FKTN: variants seen among roughly 807,000 people sequenced by gnomAD.
FKTN encodes the protein ribitol-5-phosphate transferase FKTN.
A neutral mutation model predicts 58.6 loss-of-function variants in FKTN; 47 were observed. The ratio of observed to expected loss-of-function variants is 0.80; its 90% CI spans 0.63 to 1.02. The LOEUF (loss-of-function observed/expected upper bound fraction) is 1.02, where lower values mean the gene tolerates loss of function less well. FKTN is among the 50% of genes least tolerant of loss of function. The pLI, the probability that FKTN is intolerant of heterozygous loss-of-function variation, is 0.00. For synonymous variants in FKTN, 178 were observed against 191.9 expected, an observed-to-expected ratio of 0.93 and a Z score of 0.60; for missense variants, 516 against 537.3, an observed-to-expected ratio of 0.96 and a Z score of 0.39.
Position 105,595,702 on chromosome 9 carries a change from A to G in FKTN, c.106-896A>G, listed in dbSNP as rs75266987. Among the ~76,000 whole-genome samples the G allele has an allele frequency of 9.1e-3, 1,380 of 152,284 alleles. 22 individuals are homozygous for G. Among genetic ancestry groups the G allele is most frequent in the African/African-American group, 0.032 (1,322 of 41,550 alleles). On this transcript the variant is annotated intron_variant, in intron 3 of 10. Coordinates refer to ENST00000357998, the MANE Select transcript of FKTN (RefSeq NM_001079802.2). Reference sequence around the variant, plus strand: ...AGCACTATCCTAGGTGCTACTGGTTATACAAAGATGGATTGGACTTTGTCC... The same window carrying G: ...AGCACTATCCTAGGTGCTACTGGTTGTACAAAGATGGATTGGACTTTGTCC...
chr9:105,606,971 T>A (rs1588129861), intron 6 of FKTN, among the ~76,000 whole-genome samples: 1 of 151,968 alleles, frequency 6.6e-6, no homozygotes, highest in Admixed American at 6.5e-5. Flanking sequence ...ACCACTTTTT[T>A]GCCTGTTTTT....
At chr9:105,600,251 A>G (rs1827637692) in intron 4 of FKTN, among the ~76,000 whole-genome samples, 1 of 152,134 alleles carries the variant, frequency 6.6e-6, no homozygotes, top group Non-Finnish European at 1.5e-5. Flanking sequence ...CTTTATCCTT[A>G]CAATTGATAT....
intron 5 of FKTN, 124 bp from the exon 6 acceptor site, chr9:105,604,083 CAGAGCAGA>C (rs1356454011): frequency 1.1e-6 from 1 of 876,300 alleles, no homozygotes; most frequent in Non-Finnish European, 1.9e-6. Flanking sequence ...AATGTTCTTA[CAGAGCAGA>C]TTAGCACAAA....
intron 7 of FKTN, among the ~76,000 whole-genome samples, chr9:105,609,092 A>G (rs1448605485): frequency 6.6e-6 from 1 of 152,120 alleles, no homozygotes; most frequent in Admixed American, 6.6e-5. Context: ...GTGTTCTTTT[A>G]TTTACCTGTG....
rs369444569 is a variant in FKTN at position 105,567,472 on chromosome 9, G to A, written c.-180-6183G>A. On this transcript the variant is annotated intron_variant, in intron 1 of 10. Coordinates refer to ENST00000357998, the MANE Select transcript of FKTN (RefSeq NM_001079802.2). ...AAGTCTCAGGATACAAAATCAATGT[G>A]CAAAAATCACAAGCATTCTTATACA... Among the ~76,000 whole-genome samples, 8 of 152,244 alleles carry A rather than the reference G, an allele frequency of 5.3e-5. No individual in the cohort carries two copies. The South Asian group carries it at 1.2e-3, about 24-fold the overall frequency.
At chr9:105,576,150 T>C (rs1024489620) in intron 3 of FKTN, among the ~76,000 whole-genome samples, 8 of 151,230 alleles carry the variant, frequency 5.3e-5, no homozygotes, top group Non-Finnish European at 8.9e-5. Context: ...CTTTTCTTTT[T>C]TTTTTTTTTT....
chr9:105,567,266 C>T (rs992972888), intron 1 of FKTN, among the ~76,000 whole-genome samples: 1 of 152,176 alleles, frequency 6.6e-6, no homozygotes, highest in Admixed American at 6.5e-5. Flanking sequence ...CTCACCACTC[C>T]TATTCAGCAT....
Position 105,611,500 on chromosome 9 carries a change from C to A in FKTN, c.780+3549C>A, listed in dbSNP as rs139858746. ...TTAGTTATTTTTCCTGGTCCTCTTT[C>A]TCCTCCCACCCTCCAAAAGAACCCA... On this transcript the variant is annotated intron_variant, in intron 7 of 10. Transcript: ENST00000357998. Among the ~76,000 whole-genome samples, 1,389 of 152,194 alleles carry A rather than the reference C, an allele frequency of 9.1e-3. 22 individuals are homozygous for A. The highest frequency in any genetic ancestry group is 0.032 in the African/African-American group (1,340 of 41,516).
chr9:105,620,214 T>C (rs1229348444), intron 10 of FKTN, 153 bp downstream of exon 10: 3 of 628,096 alleles, frequency 4.8e-6, no homozygotes, highest in Non-Finnish European at 5.5e-6. Flanking sequence ...AGTCCAGTTA[T>C]GCCTGTGAAG....
chr9:105,607,114 CAT>C (rs1397040416), intron 6 of FKTN, among the ~76,000 whole-genome samples: 3 of 151,926 alleles, frequency 2.0e-5, no homozygotes, highest in Non-Finnish European at 4.4e-5. Flanking sequence ...TAAACATAAA[CAT>C]GTGACAATAG....
In FKTN at chr9:105,573,077, A is replaced by G. The variant is rs138070055; in HGVS notation, c.-180-578A>G. The stretch of plus-strand genomic sequence containing the variant: ...CAGAAAAACCCCGTCTAAACTAAAT[A>G]TACAAAAATTAGCCGAGTGTGGTGG... On this transcript the variant is annotated intron_variant, in intron 1 of 10. Coordinates refer to ENST00000357998, the MANE Select transcript of FKTN (RefSeq NM_001079802.2). Among the ~76,000 whole-genome samples, 1,005 of 152,080 alleles carry G rather than the reference A, an allele frequency of 6.6e-3. 17 individuals are homozygous for G. The highest frequency in any genetic ancestry group is 0.023 in the African/African-American group (953 of 41,468).
chr9:105,603,388 G>T (rs1828248879), intron 5 of FKTN, among the ~76,000 whole-genome samples: 1 of 152,164 alleles, frequency 6.6e-6, no homozygotes, highest in African/African-American at 2.4e-5. Context: ...GTTGGAAAAT[G>T]AACCTTGTCT....
chr9:105,600,838 T>C (rs1827745392), intron 4 of FKTN: 1 of 206,240 alleles, frequency 4.8e-6, no homozygotes. Flanking sequence ...CTGTGAAATT[T>C]CTTATCCTTT....
intron 1 of FKTN, among the ~76,000 whole-genome samples, chr9:105,567,919 G>T (rs1449624611): frequency 6.6e-6 from 1 of 152,196 alleles, no homozygotes; most frequent in Non-Finnish European, 1.5e-5. Flanking sequence ...AACCAAAACA[G>T]CATGGTACTG....
At chr9:105,581,022 T>A (rs1842776679) in intron 3 of FKTN, among the ~76,000 whole-genome samples, 1 of 142,396 alleles carries the variant, frequency 7.0e-6, no homozygotes, top group Non-Finnish European at 1.5e-5. Flanking sequence ...CTCCATCAGC[T>A]CCTTTAAGTA....
intron 7 of FKTN, among the ~76,000 whole-genome samples, chr9:105,612,833 T>C (rs1035819562): frequency 2.6e-5 from 4 of 152,096 alleles, no homozygotes; most frequent in Non-Finnish European, 5.9e-5. Flanking sequence ...GACATGGTGG[T>C]GTGCACTTGT....
rs143182047 is a variant in FKTN at position 105,596,690 on chromosome 9, T to C, written c.165+33T>C. The C allele has an allele frequency of 1.2e-4, 170 of 1,389,382 alleles. No homozygotes were observed. The African/African-American group carries it at 2.0e-3, about 16-fold the overall frequency. 86.1% of individuals were successfully genotyped at this position (1,389,382 alleles called of 1,614,324 possible). A position where few individuals can be genotyped will look rare whatever the true frequency, so the allele number is the denominator to read the frequency against. ...GAATAAACAAGAAATTTCTCAATTA[T>C]AATGTTCATTTAGTTCATTCATTTA... On this transcript the variant is annotated intron_variant, in intron 4 of 10. Transcript: ENST00000357998.
chr9:105,636,218 T>A lies in FKTN; in HGVS notation c.*954T>A, dbSNP rs886063323. ...ACACTAAAATATTAATAGAATTTTT[T>A]AAATATACTCTAATTTTTAAAACAT... On this transcript the variant is annotated 3_prime_UTR_variant, in exon 11 of 11. Transcript: ENST00000357998. 8.0e-5 allele frequency: 70 copies of A among 874,810 alleles called. No homozygotes were observed. Among genetic ancestry groups the A allele is most frequent in the South Asian group, 1.1e-4 (2 of 18,972 alleles). 54.2% of individuals were successfully genotyped at this position (874,810 alleles called of 1,614,324 possible). A position where few individuals can be genotyped will look rare whatever the true frequency, so the allele number is the denominator to read the frequency against.
intron 10 of FKTN, among the ~76,000 whole-genome samples, chr9:105,625,995 C>T (rs1374307380): frequency 6.6e-6 from 1 of 152,086 alleles, no homozygotes; most frequent in East Asian, 1.9e-4. Flanking sequence ...TGGTATGTTG[C>T]TGGCTTCTTT....
Sources: allele counts gnomAD v4.1 joint callset (sites outside exome capture counted in the v4.1 genomes callset), GRCh38; gene constraint gnomAD v4.1.1; transcripts MANE v1.5; gene names NCBI Gene and HGNC (gene_info 2026-07-23, HGNC 2026-07-21).